NFU1: variants seen among roughly 807,000 people sequenced by gnomAD.
NFU1 encodes the protein NFU1 iron-sulfur cluster scaffold, also known as NFU1 iron-sulfur cluster scaffold homolog, mitochondrial.
Under a neutral mutation model 32.2 loss-of-function variants are expected in NFU1, and 30 were observed. The ratio of observed to expected loss-of-function variants is 0.93; its 90% CI spans 0.70 to 1.26. The LOEUF (loss-of-function observed/expected upper bound fraction) is 1.26. NFU1 is among the 50% of genes most tolerant of loss of function. NFU1 has a pLI of 0.00. For missense variants in NFU1, 306 were observed against 306.6 expected (o/e 1.00, Z 0.02); for synonymous variants, 112 against 104.6 (o/e 1.07, Z -0.43).
intron 2 of NFU1, among the ~76,000 whole-genome samples, chr2:69,429,430 A>ATGTGCC (rs2104808620): frequency 6.6e-6 from 1 of 152,184 alleles, no homozygotes; most frequent in East Asian, 1.9e-4. Flanking sequence ...CTGTGGTGGC[A>ATGTGCC]TGTGCCTATA....
intron 4 of NFU1, among the ~76,000 whole-genome samples, chr2:69,418,659 C>T (rs1311868567): frequency 3.3e-5 from 5 of 151,704 alleles, no homozygotes; most frequent in East Asian, 2.0e-4. Flanking sequence ...TTAGTAGAGA[C>T]GGGGTTTCAC....
chr2:69,423,601 A>G lies in NFU1; in HGVS notation c.283T>C (p.Phe95Leu), dbSNP rs1673339978. The part of the protein sequence containing the change: ...TMDFPTPAAA[F>L]RSPLARQLFR... The stretch of plus-strand genomic sequence containing the variant: ...ATATACCTAGCCAGAGGGGAGCGAA[A>G]TGCTGCAGCTGGGGTGGGAAAATCC... The change falls in exon 3 of 8, where the codon TTT becomes CTT. Residue 95 changes from phenylalanine (F) to leucine (L), a missense_variant. Phe to Leu is a conservative substitution (Grantham distance 22). Transcript: ENST00000410022. 5 of 1,613,612 alleles carry G rather than the reference A, an allele frequency of 3.1e-6. No homozygotes were observed. Among genetic ancestry groups the G allele is most frequent in the Middle Eastern group, 1.7e-4 (1 of 5,896 alleles).
At chr2:69,405,989 C>T (rs766328390) in intron 6 of NFU1, 33 bp downstream of exon 6, 254 of 1,387,640 alleles carry the variant, frequency 1.8e-4, no homozygotes, top group Non-Finnish European at 2.4e-4. Flanking sequence ...GCCTCCAAAG[C>T]ACTTGAATTC....
At position 69,437,405 on chromosome 2, in the gene NFU1, C is replaced by A; in HGVS notation, c.18G>T (p.Arg6Ser). 6.2e-7 allele frequency: 1 copy of A among 1,610,704 alleles called. No individual in the cohort carries two copies. Residue 6 changes from arginine (R) to serine (S), a missense_variant, in exon 1 of 8, where the codon AGG becomes AGT. Transcript: ENST00000410022. ...CAACAGCCGCAGCTCCCCAGCCCCG[C>A]CTGGCCGTCGCCGCCATCTTAGTCC... is the stretch of plus-strand genomic sequence containing the variant. MAATA[R>S]RGWGAAAVAA...
chr2:69,399,266 A>G (rs1315628090), intron 7 of NFU1: 3 of 347,704 alleles, frequency 8.6e-6, no homozygotes, highest in African/African-American at 4.5e-5. Context: ...GGAAATTTCT[A>G]ATTTCCACAC....
chr2:69,431,443 C>A (rs1483291930), intron 2 of NFU1, among the ~76,000 whole-genome samples: 1 of 152,024 alleles, frequency 6.6e-6, no homozygotes, highest in African/African-American at 2.4e-5. Context: ...GCAGCTGGGA[C>A]TACACGTGTG....
chr2:69,411,870 G>A (rs767355305), intron 5 of NFU1, among the ~76,000 whole-genome samples: 1 of 152,170 alleles, frequency 6.6e-6, no homozygotes, highest in Non-Finnish European at 1.5e-5. Context: ...TGGGATCACA[G>A]GTGTGGGGCG....
intron 1 of NFU1, among the ~76,000 whole-genome samples, chr2:69,436,897 C>G (rs1255550827): frequency 1.3e-5 from 2 of 152,156 alleles, no homozygotes; most frequent in Non-Finnish European, 2.9e-5. Flanking sequence ...ACTGTGTAAC[C>G]TTGGACATGT....
chr2:69,419,601 C>T lies in NFU1; in HGVS notation c.306G>A (p.Gln102=). ...TTTTTACTCCTTCAATCCTAAATAA[C>T]TGCCTGCAAAAAAAGAAAAAATAAG... ...AAAFRSPLAR[Q]LFRIEGVKSV... The change falls in exon 4 of 8, where the codon CAG becomes CAA. Residue 102 remains glutamine, a synonymous_variant. Coordinates refer to ENST00000410022, the MANE Select transcript of NFU1 (RefSeq NM_001002755.4). The T allele has an allele frequency of 6.4e-7, 1 of 1,574,782 alleles. No individual in the cohort carries two copies. Among genetic ancestry groups the T allele is most frequent in the Non-Finnish European group, 8.7e-7 (1 of 1,146,956 alleles).
intron 3 of NFU1, among the ~76,000 whole-genome samples, chr2:69,421,244 A>C (rs1673229439): frequency 6.6e-6 from 1 of 152,112 alleles, no homozygotes; most frequent in Non-Finnish European, 1.5e-5. Context: ...AAAATAAAAT[A>C]TGAAAAACAA....
intron 2 of NFU1, among the ~76,000 whole-genome samples, chr2:69,424,742 T>C (rs891841341): frequency 6.6e-6 from 1 of 152,238 alleles, no homozygotes; most frequent in African/African-American, 2.4e-5. Context: ...CACTTATTGC[T>C]GACATTAATA....
intron 2 of NFU1, among the ~76,000 whole-genome samples, chr2:69,424,219 A>ATATATCTC (rs1427664911): frequency 7.9e-6 from 1 of 126,884 alleles, no homozygotes; most frequent in African/African-American, 2.9e-5. Context: ...ATATATATAT[A>ATATATCTC]TCTCAATATA....
chr2:69,423,838 CTTT>C (rs1673350484), intron 2 of NFU1, 121 bp from the exon 3 acceptor site: 3 of 735,872 alleles, frequency 4.1e-6, no homozygotes, highest in African/African-American at 3.6e-5. Context: ...AAACCCAAGG[CTTT>C]ATTGCCCTGA....
At chr2:69,410,894 G>C (rs1233209958) in intron 5 of NFU1, 1 of 151,936 alleles carries the variant, frequency 6.6e-6, no homozygotes, top group Non-Finnish European at 1.5e-5. Flanking sequence ...TTTACAAGAT[G>C]GTCATTAAAT....
chr2:69,404,038 C>T (rs1558811426), intron 6 of NFU1, among the ~76,000 whole-genome samples: 2 of 150,520 alleles, frequency 1.3e-5, no homozygotes, highest in Non-Finnish European at 1.5e-5. Context: ...CAGGGTTTCA[C>T]TGTGTTAGCC....
intron 3 of NFU1, among the ~76,000 whole-genome samples, chr2:69,422,533 A>T (rs1673280226): frequency 6.6e-6 from 1 of 152,218 alleles, no homozygotes. Flanking sequence ...TGAATAAAAT[A>T]AGCAAGTTCT....
intron 6 of NFU1, among the ~76,000 whole-genome samples, chr2:69,403,693 C>G (rs1348034488): frequency 6.6e-6 from 1 of 151,702 alleles, no homozygotes; most frequent in Non-Finnish European, 1.5e-5. Flanking sequence ...TCTCATGCTT[C>G]TTTCCCATAT....
chr2:69,438,684 G>A (rs932750101), upstream of NFU1, among the ~76,000 whole-genome samples: 6 of 152,116 alleles, frequency 3.9e-5, no homozygotes, highest in Non-Finnish European at 5.9e-5. Flanking sequence ...ACAGGTTGAG[G>A]CCACACCCAA....
rs377043317 is a variant in NFU1 at position 69,423,595 on chromosome 2, A to T, written c.289T>A (p.Ser97Thr). Reference protein sequence around the residue: ...DFPTPAAAFRSPLARQLFRIE... With the variant: ...DFPTPAAAFRTPLARQLFRIE... Reference sequence around the variant, plus strand: ...ACAGTAATATACCTAGCCAGAGGGGAGCGAAATGCTGCAGCTGGGGTGGGA... The same window carrying T: ...ACAGTAATATACCTAGCCAGAGGGGTGCGAAATGCTGCAGCTGGGGTGGGA... Residue 97 changes from serine (S) to threonine (T), a missense_variant, in exon 3 of 8, where the codon TCC becomes ACC. Coordinates refer to ENST00000410022, the MANE Select transcript of NFU1 (RefSeq NM_001002755.4). The T allele has an allele frequency of 2.5e-6, 4 of 1,613,658 alleles. No individual in the cohort carries two copies. Among genetic ancestry groups the T allele is most frequent in the Non-Finnish European group, 3.4e-6 (4 of 1,179,958 alleles).
Sources: gnomAD v4.1 joint callset for allele counts (sites outside exome capture counted in the v4.1 genomes callset) on GRCh38, gnomAD v4.1.1 for gene constraint, MANE v1.5 for transcripts, NCBI Gene and HGNC (gene_info 2026-07-23, HGNC 2026-07-21) for gene names.